The following ADAMTS2 variants were observed in gnomAD, a reference collection of about 807,000 sequenced individuals.
ADAMTS2 encodes ADAM metallopeptidase with thrombospondin type 1 motif 2.
Under a neutral mutation model 123.0 loss-of-function variants are expected in ADAMTS2, and 50 were observed. That is an observed-to-expected ratio of 0.41 (90% CI 0.32 to 0.51). The LOEUF is 0.51. Ranked by LOEUF, ADAMTS2 falls within the 20% of genes least tolerant of loss-of-function variation. The probability of loss-of-function intolerance (pLI) is 0.35; values close to 1 mark genes in which losing one functional copy is unlikely to be tolerated. For missense variants in ADAMTS2, 1,494 were observed against 1,705.2 expected, an observed-to-expected ratio of 0.88 and a Z score of 2.18; for synonymous variants, 678 against 695.4, an observed-to-expected ratio of 0.98 and a Z score of 0.39.
intron 10 of ADAMTS2, among the ~76,000 whole-genome samples, chr5:179,149,911 T>C (rs1355613235): frequency 6.6e-6 from 1 of 152,028 alleles, no homozygotes; most frequent in South Asian, 2.1e-4. Flanking sequence ...GCAATTTCAC[T>C]TACTGGGCTA....
intron 2 of ADAMTS2, among the ~76,000 whole-genome samples, chr5:179,288,125 C>T (rs566914642): frequency 8.5e-5 from 13 of 152,340 alleles, no homozygotes; most frequent in East Asian, 3.9e-4. Context: ...GTCATCTCCC[C>T]GGGTCCCTGG....
chr5:179,218,840 G>T (rs891234589), intron 3 of ADAMTS2, among the ~76,000 whole-genome samples: 2 of 152,166 alleles, frequency 1.3e-5, no homozygotes, highest in South Asian at 2.1e-4. Flanking sequence ...AGGAGAGAAG[G>T]CCTCTCCGGG....
At chr5:179,264,550 G>A (rs1435437193) in intron 3 of ADAMTS2, among the ~76,000 whole-genome samples, 3 of 152,378 alleles carry the variant, frequency 2.0e-5, no homozygotes, top group Middle Eastern at 3.4e-3. Flanking sequence ...CCCCTGAGCC[G>A]TGTACTGTCT....
chr5:179,329,249 C>T (rs939977450), intron 2 of ADAMTS2, among the ~76,000 whole-genome samples: 24 of 151,580 alleles, frequency 1.6e-4, no homozygotes, highest in Non-Finnish European at 2.8e-4. Flanking sequence ...ATGGCGTGAA[C>T]CCAGGAGGCA....
chr5:179,302,642 G>A (rs960965690), intron 2 of ADAMTS2, among the ~76,000 whole-genome samples: 2 of 152,104 alleles, frequency 1.3e-5, no homozygotes, highest in Admixed American at 1.3e-4. Flanking sequence ...TATCTCCCGG[G>A]GGGGCAAATG....
rs1471299338 is a variant in ADAMTS2 at position 179,114,344 on chromosome 5, C to T, written c.3179-20G>A. 1.2e-6 allele frequency: 2 copies of T among 1,606,614 alleles called. No homozygotes were observed. The highest frequency in any genetic ancestry group is 1.7e-6 in the Non-Finnish European group (2 of 1,176,352). Reference sequence around the variant, plus strand: ...GGCCCTCTGAAAAAGAAAAGTGGGACAAATAACCAAAGGACAAGATAAGGG... The same window carrying T: ...GGCCCTCTGAAAAAGAAAAGTGGGATAAATAACCAAAGGACAAGATAAGGG... On this transcript the variant is annotated intron_variant, in intron 21 of 21. Coordinates refer to ENST00000251582, the MANE Select transcript of ADAMTS2 (RefSeq NM_014244.5).
intron 3 of ADAMTS2, among the ~76,000 whole-genome samples, chr5:179,268,801 G>C (rs968358074): frequency 6.6e-6 from 1 of 152,202 alleles, no homozygotes. Context: ...GAAGCCTACA[G>C]TGCTGCTCCT....
At chr5:179,217,840 AGGCACACTCACTAGGTAGGG>A (rs1765032479) in intron 3 of ADAMTS2, among the ~76,000 whole-genome samples, 1 of 99,460 alleles carries the variant, frequency 1.0e-5, no homozygotes, top group African/African-American at 4.2e-5. Context: ...GAGGGCAGAC[AGGCACACTCACTAGGTAGGG>A]GATGGCCTGA....
intron 3 of ADAMTS2, among the ~76,000 whole-genome samples, chr5:179,208,417 T>C (rs1022010125): frequency 5.3e-5 from 8 of 151,964 alleles, no homozygotes; most frequent in African/African-American, 9.7e-5. Context: ...TCTGGCCTGA[T>C]TGAATTGTGC....
At chr5:179,226,291 GAC>G (rs1765283684) in intron 3 of ADAMTS2, among the ~76,000 whole-genome samples, 1 of 113,500 alleles carries the variant, frequency 8.8e-6, no homozygotes, top group East Asian at 3.2e-4. Context: ...TTTTTTTTGA[GAC>G]AGAGTCTCTG....
At chr5:179,140,356 C>A (rs1347985142) in intron 10 of ADAMTS2, among the ~76,000 whole-genome samples, 1 of 152,182 alleles carries the variant, frequency 6.6e-6, no homozygotes, top group Non-Finnish European at 1.5e-5. Context: ...TCCTGGGTGC[C>A]CACACACAGC....
chr5:179,298,292 C>A (rs1022239034), intron 2 of ADAMTS2, among the ~76,000 whole-genome samples: 1 of 152,164 alleles, frequency 6.6e-6, no homozygotes, highest in Non-Finnish European at 1.5e-5. Flanking sequence ...TGAGCTCTTC[C>A]TGTCCCAAGG....
intron 5 of ADAMTS2, among the ~76,000 whole-genome samples, chr5:179,173,890 G>T (rs1763877161): frequency 6.6e-6 from 1 of 152,002 alleles, no homozygotes; most frequent in Non-Finnish European, 1.5e-5. Flanking sequence ...GCAGGTGCCT[G>T]TAATCCCAGC....
chr5:179,320,847 C>T (rs563546761), intron 2 of ADAMTS2, among the ~76,000 whole-genome samples: 64 of 152,294 alleles, frequency 4.2e-4, no homozygotes, highest in Middle Eastern at 3.4e-3. Context: ...CTGTTTCCCC[C>T]GGGTTGTTGC....
intron 20 of ADAMTS2, 29 bp from the exon 21 acceptor site, chr5:179,121,779 G>T: frequency 6.7e-7 from 1 of 1,490,048 alleles, no homozygotes; most frequent in Non-Finnish European, 9.1e-7. Flanking sequence ...GGCTGCGGCC[G>T]CAGGGCACCA....
chr5:179,237,315 A>G (rs1765551996), intron 3 of ADAMTS2, among the ~76,000 whole-genome samples: 1 of 152,182 alleles, frequency 6.6e-6, no homozygotes, highest in Non-Finnish European at 1.5e-5. Context: ...GGCCCCAGAG[A>G]GCTCTCTTGC....
Position 179,343,323 on chromosome 5 carries a change from C to G in ADAMTS2, c.534+444G>C, listed in dbSNP as rs574548902. 1.2e-4 allele frequency among the ~76,000 whole-genome samples: 19 copies of G among 152,314 alleles called. No individual in the cohort carries two copies. In the South Asian group the frequency reaches 3.9e-3, roughly 32 times the overall value. On this transcript the variant is annotated intron_variant, in intron 2 of 21. Transcript: ENST00000251582. ...GCTCAACACACTGATGTGCAGAAAC[C>G]CAGACACATACGTGCACAAGAGACA...
chr5:179,132,432 G>C lies in ADAMTS2; in HGVS notation c.2210-122C>G. On this transcript the variant is annotated intron_variant, in intron 14 of 21. Coordinates refer to ENST00000251582, the MANE Select transcript of ADAMTS2 (RefSeq NM_014244.5). This position sits in a 1 kb window ranked among gnomAD's most constrained non-coding sequence, Gnocchi z 6.1. ...CTCCGGAGGCTCTCCCAGGACCCTG[G>C]TATTTCTCTGGCTTTGAGGACCCAC... 1 of 1,013,206 alleles carries C rather than the reference G, an allele frequency of 9.9e-7. No individual in the cohort carries two copies. The highest frequency in any genetic ancestry group is 1.5e-6 in the Non-Finnish European group (1 of 667,820). 62.8% of individuals were successfully genotyped at this position (1,013,206 alleles called of 1,614,324 possible).
Position 179,303,623 on chromosome 5 carries a change from C to T in ADAMTS2, c.535-30559G>A, listed in dbSNP as rs1170851119. The stretch of plus-strand genomic sequence containing the variant: ...CATTTCCGAATGCTCAGAGCCAAGC[C>T]AACACCTCATTTTTCTTTCCTATTT... On this transcript the variant is annotated intron_variant, in intron 2 of 21. Transcript: ENST00000251582. The surrounding 1 kb of genome is among the most constrained non-coding windows in gnomAD (Gnocchi z 4.7). Among the ~76,000 whole-genome samples, 1 of 152,216 alleles carries T rather than the reference C, an allele frequency of 6.6e-6. No individual in the cohort carries two copies. Among genetic ancestry groups the T allele is most frequent in the East Asian group, 1.9e-4 (1 of 5,196 alleles).
Sources: allele counts gnomAD v4.1 joint callset (sites outside exome capture counted in the v4.1 genomes callset), GRCh38; gene constraint gnomAD v4.1.1; non-coding constraint Gnocchi (gnomAD v3.1); transcripts MANE v1.5; gene names NCBI Gene and HGNC (gene_info 2026-07-23, HGNC 2026-07-21).